Variants in NCALD observed in about 807,000 individuals in gnomAD.
The protein encoded by NCALD is neurocalcin-delta.
In NCALD, 10 loss-of-function variants were observed where a neutral mutation model predicts 18.6. That is an observed-to-expected ratio of 0.54 (90% CI 0.33 to 0.91). NCALD has a LOEUF of 0.91. NCALD is among the 40% of genes least tolerant of loss of function. NCALD has a pLI of 0.03. For missense variants in NCALD, 184 were observed against 247.6 expected, an observed-to-expected ratio of 0.74 and a Z score of 1.72; for synonymous variants, 88 against 87.4, an observed-to-expected ratio of 1.01 and a Z score of -0.04.
At chr8:102,026,520 G>A (rs1822463642) in intron 1 of NCALD, among the ~76,000 whole-genome samples, 1 of 152,188 alleles carries the variant, frequency 6.6e-6, no homozygotes, top group African/African-American at 2.4e-5. Context: ...CTCACATCCA[G>A]GTCATGCTGA....
chr8:101,968,804 T>C (rs1247659262), intron 2 of NCALD, among the ~76,000 whole-genome samples: 1 of 152,142 alleles, frequency 6.6e-6, no homozygotes, highest in Non-Finnish European at 1.5e-5. Flanking sequence ...ATCATAAATT[T>C]TTCCCCTCCA....
intron 3 of NCALD, among the ~76,000 whole-genome samples, chr8:101,898,778 C>T (rs182710649): frequency 5.5e-4 from 83 of 152,214 alleles, no homozygotes; most frequent in Admixed American, 3.5e-3. Context: ...GTCTTGACTA[C>T]GATAGCTATA....
chr8:102,036,136 A>T (rs1299925230), intron 1 of NCALD, among the ~76,000 whole-genome samples: 1 of 150,612 alleles, frequency 6.6e-6, no homozygotes, highest in Non-Finnish European at 1.5e-5. Context: ...AAAATAAATA[A>T]ATAAATAAAT....
At chr8:101,711,618 A>G (rs942401364) in intron 2 of NCALD, among the ~76,000 whole-genome samples, 1 of 151,878 alleles carries the variant, frequency 6.6e-6, no homozygotes, top group African/African-American at 2.4e-5. Context: ...GAACTTTGTG[A>G]AGCATACACA....
intron 1 of NCALD, among the ~76,000 whole-genome samples, chr8:102,062,404 A>G (rs1282255574): frequency 6.6e-6 from 1 of 152,224 alleles, no homozygotes; most frequent in Non-Finnish European, 1.5e-5. Flanking sequence ...ATTATTGAAC[A>G]CCCACCAGAA....
At position 101,692,800 on chromosome 8, in the gene NCALD, T is replaced by C; in HGVS notation, c.475A>G (p.Asn159Asp). The change falls in exon 3 of 4, where the codon AAT (asparagine) becomes GAT (aspartate). Residue 159 changes from asparagine (N) to aspartate (D), a missense_variant. Coordinates refer to ENST00000220931, the MANE Select transcript of NCALD (RefSeq NM_032041.3). Reference sequence around the variant, plus strand: ...AGCCCCCGCCTCCTACCGTCTCTATTGGTGTCCATCTGGCGGAAGATCTTT... The same window carrying C: ...AGCCCCCGCCTCCTACCGTCTCTATCGGTGTCCATCTGGCGGAAGATCTTT... ...TEKIFRQMDT[N>D]RDGKLSLEEF... is the part of the protein sequence containing the mutation. 1 of 1,612,952 alleles carries C rather than the reference T, an allele frequency of 6.2e-7. No homozygotes were observed. Among genetic ancestry groups the C allele is most frequent in the Non-Finnish European group, 8.5e-7 (1 of 1,179,044 alleles).
At chr8:101,753,998 A>C (rs942880333) in intron 1 of NCALD, among the ~76,000 whole-genome samples, 1 of 152,166 alleles carries the variant, frequency 6.6e-6, no homozygotes, top group Non-Finnish European at 1.5e-5. Context: ...CAATGCCCCA[A>C]CCACTGGTAA....
At chr8:101,957,297 T>G (rs907778758) in intron 2 of NCALD, among the ~76,000 whole-genome samples, 7 of 144,190 alleles carry the variant, frequency 4.9e-5, no homozygotes, top group African/African-American at 8.0e-5. Context: ...GGGTTTTTTT[T>G]TTTTTTTTTT....
At chr8:101,816,612 T>G (rs1361989759) in intron 4 of NCALD, among the ~76,000 whole-genome samples, 2 of 152,130 alleles carry the variant, frequency 1.3e-5, no homozygotes, top group East Asian at 3.9e-4. Context: ...TGAATTAAAT[T>G]TGTATGTTTT....
intron 1 of NCALD, among the ~76,000 whole-genome samples, chr8:101,727,981 T>C (rs759151478): frequency 9.9e-5 from 15 of 152,254 alleles, no homozygotes; most frequent in Non-Finnish European, 2.1e-4. Context: ...TCTCAACTTA[T>C]TTTGGGTCAC....
chr8:102,022,750 C>G (rs1251869294), intron 1 of NCALD, among the ~76,000 whole-genome samples: 1 of 152,090 alleles, frequency 6.6e-6, no homozygotes, highest in Non-Finnish European at 1.5e-5. Flanking sequence ...CACATCCAGA[C>G]CAAAAACCAT....
intron 2 of NCALD, among the ~76,000 whole-genome samples, chr8:101,979,736 C>G (rs1469427738): frequency 6.6e-6 from 1 of 152,092 alleles, no homozygotes; most frequent in African/African-American, 2.4e-5. Flanking sequence ...TGTAACAGCT[C>G]AAATCATTAT....
intron 4 of NCALD, among the ~76,000 whole-genome samples, chr8:101,863,479 A>T (rs1815630132): frequency 6.6e-6 from 1 of 151,140 alleles, no homozygotes; most frequent in African/African-American, 2.4e-5. Flanking sequence ...TTTTTAACCC[A>T]GGCTTCCTCT....
At chr8:101,907,846 A>C (rs544839887) in intron 3 of NCALD, among the ~76,000 whole-genome samples, 1 of 152,356 alleles carries the variant, frequency 6.6e-6, no homozygotes, top group South Asian at 2.1e-4. Context: ...ACTTTCAAGC[A>C]TTTAAAATAC....
At chr8:102,101,775 A>G (rs1825290360) in intron 1 of NCALD, among the ~76,000 whole-genome samples, 1 of 152,230 alleles carries the variant, frequency 6.6e-6, no homozygotes, top group Admixed American at 6.5e-5. Flanking sequence ...AGAATAATAA[A>G]GATGTGAACA....
intron 4 of NCALD, among the ~76,000 whole-genome samples, chr8:101,831,304 C>T (rs1315893099): frequency 6.6e-6 from 1 of 152,068 alleles, no homozygotes; most frequent in Non-Finnish European, 1.5e-5. Context: ...TAAGAATGGT[C>T]TATAAATCAT....
At chr8:102,060,329 G>A (rs182907021) in intron 1 of NCALD, among the ~76,000 whole-genome samples, 300 of 152,340 alleles carry the variant, frequency 2.0e-3, no homozygotes, top group African/African-American at 6.9e-3. Context: ...ATGCTGGTTA[G>A]AGAACATACT....
chr8:101,824,023 G>C (rs572293783), intron 4 of NCALD, among the ~76,000 whole-genome samples: 1 of 152,236 alleles, frequency 6.6e-6, no homozygotes, highest in African/African-American at 2.4e-5. Flanking sequence ...CAATTATCCT[G>C]AACAAAATGT....
chr8:101,732,095 TCAA>T (rs943826229), intron 1 of NCALD, among the ~76,000 whole-genome samples: 15 of 152,198 alleles, frequency 9.9e-5, no homozygotes, highest in Non-Finnish European at 1.6e-4. Flanking sequence ...CTCTGGGGCC[TCAA>T]CAGCCCCTCA....
Sources: allele counts gnomAD v4.1 joint callset (sites outside exome capture counted in the v4.1 genomes callset), GRCh38; gene constraint gnomAD v4.1.1; transcripts MANE v1.5; gene names NCBI Gene and HGNC (gene_info 2026-07-23, HGNC 2026-07-21).